The following FN1 variants were observed in gnomAD, a reference collection of about 807,000 sequenced individuals.
FN1 encodes the protein fibronectin.
In FN1, 106 loss-of-function variants were observed where a neutral mutation model predicts 297.3. That is an observed-to-expected ratio of 0.36 (90% confidence interval 0.30 to 0.42). The LOEUF is 0.42. FN1 is among the 10% of genes least tolerant of loss of function. The probability of loss-of-function intolerance (pLI) is 1.00; values close to 1 mark genes in which losing one functional copy is unlikely to be tolerated. For synonymous variants in FN1, 1,149 were observed against 1,152.6 expected (o/e 1.00, Z 0.06); for missense variants, 2,690 against 3,124.9 (o/e 0.86, Z 3.32).
At chr2:215,408,055 G>A in intron 17 of FN1, 53 bp downstream of exon 17, 1 of 1,400,806 alleles carries the variant, frequency 7.1e-7, no homozygotes, top group Non-Finnish European at 1.0e-6. Flanking sequence ...CGCCCTCCCT[G>A]CTGATGTCAT....
intron 1 of FN1, 108 bp from the exon 2 acceptor site, chr2:215,434,932 T>C: frequency 7.8e-7 from 1 of 1,279,990 alleles, no homozygotes; most frequent in Non-Finnish European, 1.1e-6. Flanking sequence ...CTTTTAACTT[T>C]GCTAAAAGTT....
At position 215,415,793 on chromosome 2, in the gene FN1, A is replaced by C. The variant is rs1437796; in HGVS notation, c.1820-835T>G. Among the ~76,000 whole-genome samples, 974 of 152,260 alleles carry C rather than the reference A, an allele frequency of 6.4e-3. 9 individuals are homozygous for C. Among genetic ancestry groups the C allele is most frequent in the African/African-American group, 0.022 (926 of 41,584 alleles). ...AAAGGAAAATAAGGGAAGTAGCATCAATTTCTAAGTAGTGTTAACTCCATT... is the reference window on the plus strand; with the variant it reads ...AAAGGAAAATAAGGGAAGTAGCATCCATTTCTAAGTAGTGTTAACTCCATT... On this transcript the variant is annotated intron_variant, in intron 12 of 45. Transcript: ENST00000354785.
At chr2:215,367,705 T>C in intron 42 of FN1, 158 bp downstream of exon 42, 1 of 758,908 alleles carries the variant, frequency 1.3e-6, no homozygotes, top group Non-Finnish European at 2.2e-6. Context: ...ATCATTTTTC[T>C]ATGATGCAAA....
In FN1 at chr2:215,397,762, T is replaced by C; in HGVS notation, c.3435A>G (p.Pro1145=). 2 of 1,613,850 alleles carry C rather than the reference T, an allele frequency of 1.2e-6. No homozygotes were observed. The highest frequency in any genetic ancestry group is 1.7e-6 in the Non-Finnish European group (2 of 1,179,704). Residue 1145 remains proline, a synonymous_variant, in exon 22 of 46, where the codon CCA becomes CCG. Coordinates refer to ENST00000354785, the MANE Select transcript of FN1 (RefSeq NM_212482.4). ...SGSIVVSGLT[P]GVEYVYTIQV... ...GGATGGTGTAGACGTATTCTACTCCTGGAGTCAAGCCGGACACAACGATGC... is the reference window on the plus strand; with the variant it reads ...GGATGGTGTAGACGTATTCTACTCCCGGAGTCAAGCCGGACACAACGATGC...
At chr2:215,424,393 T>C in intron 7 of FN1, 68 bp from the exon 8 acceptor site, 3 of 1,327,942 alleles carry the variant, frequency 2.3e-6, no homozygotes, top group East Asian at 4.6e-5. Context: ...GCTGCTTATT[T>C]ATGGCTTCAA....
chr2:215,427,967 G>A (rs1161523510), intron 6 of FN1, among the ~76,000 whole-genome samples: 1 of 151,734 alleles, frequency 6.6e-6, no homozygotes. Context: ...TCCCCCTAAG[G>A]TTTATTTGTA....
In FN1 at chr2:215,429,371, T is replaced by C. The variant is rs567825030; in HGVS notation, c.686-1033A>G. On this transcript the variant is annotated intron_variant, in intron 5 of 45. Transcript: ENST00000354785. The stretch of plus-strand genomic sequence containing the variant: ...TCTATGCGTGCATTTATCTGGTAAA[T>C]AGATTATTTAAATTATAATCCAAAT... 1.9e-4 allele frequency among the ~76,000 whole-genome samples: 29 copies of C among 152,324 alleles called. No individual in the cohort carries two copies. In the South Asian group the frequency reaches 3.7e-3, roughly 20 times the overall value.
At chr2:215,364,739 GC>G in intron 44 of FN1, 139 bp downstream of exon 44, 1 of 694,684 alleles carries the variant, frequency 1.4e-6, no homozygotes, top group Non-Finnish European at 2.6e-6. Flanking sequence ...CTCTATGTCA[GC>G]AGTTGTATGC....
chr2:215,383,584 T>G, intron 30 of FN1, 101 bp from the exon 31 acceptor site: 483 of 1,164,122 alleles, frequency 4.1e-4, no homozygotes, highest in Non-Finnish European at 5.3e-4. Flanking sequence ...GAATGATCGC[T>G]TACATGAGAA....
Position 215,410,107 on chromosome 2 carries a change from G to A in FN1, c.1949C>T (p.Ser650Phe). The A allele has an allele frequency of 6.2e-7, 1 of 1,601,500 alleles. No homozygotes were observed. Among genetic ancestry groups the A allele is most frequent in the Non-Finnish European group, 8.5e-7 (1 of 1,175,076 alleles). Reference sequence around the variant, plus strand: ...GGTAGCTTCCTTCCAACGGCCTACAGAATTTTTCTGAAAATTTAAATTAAC... The same window carrying A: ...GGTAGCTTCCTTCCAACGGCCTACAAAATTTTTCTGAAAATTTAAATTAAC... ...KYILRWRPKN[S>F]VGRWKEATIP... Residue 650 changes from serine to phenylalanine, a missense_variant, in exon 14 of 46, where the codon TCT becomes TTT. This residue lies in a region of FN1 where 876 missense variants were observed against 1,058.1 expected (regional missense o/e 0.83). Coordinates refer to ENST00000354785, the MANE Select transcript of FN1 (RefSeq NM_212482.4).
At chr2:215,388,744 T>C (rs2059345001) in intron 26 of FN1, among the ~76,000 whole-genome samples, 1 of 152,246 alleles carries the variant, frequency 6.6e-6, no homozygotes, top group Non-Finnish European at 1.5e-5. Context: ...ACTGCATATC[T>C]TTAAAGTGAT....
At chr2:215,365,413 G>T in intron 43 of FN1, 92 bp downstream of exon 43, 3 of 1,380,968 alleles carry the variant, frequency 2.2e-6, no homozygotes, top group Non-Finnish European at 2.1e-6. Flanking sequence ...GAGACCTAAA[G>T]TCTCCAATCA....
At chr2:215,361,679 A>C in intron 45 of FN1, 53 bp from the exon 46 acceptor site, 4 of 1,368,494 alleles carry the variant, frequency 2.9e-6, no homozygotes, top group Non-Finnish European at 4.2e-6. Flanking sequence ...TGTAAAGTGT[A>C]CAGAAAAAAA....
Position 215,381,033 on chromosome 2 carries a change from A to C in FN1, c.5212T>G (p.Ser1738Ala). The change falls in exon 33 of 46, where the codon TCC (serine) becomes GCC (alanine). Residue 1738 changes from serine (S) to alanine (A), a missense_variant. Around this residue, in one of 3 missense-constraint regions of FN1, gnomAD observed 1,743 missense variants for 1,945.2 expected, o/e 0.90. Transcript: ENST00000354785. ...GGGCTTTCCCAAGCAATTTTGATGG[A>C]ATCGACATCCACATCAGTGAATGCC... is the stretch of plus-strand genomic sequence containing the variant. ...GLAFTDVDVDSIKIAWESPQG... is the reference protein window; with the variant it reads ...GLAFTDVDVDAIKIAWESPQG... The C allele has an allele frequency of 1.2e-6, 2 of 1,614,226 alleles. No individual in the cohort carries two copies. Among genetic ancestry groups the C allele is most frequent in the Non-Finnish European group, 1.7e-6 (2 of 1,180,018 alleles).
chr2:215,388,703 C>CT (rs1403181874), intron 26 of FN1, among the ~76,000 whole-genome samples: 5 of 152,192 alleles, frequency 3.3e-5, no homozygotes, highest in Non-Finnish European at 1.5e-5. Context: ...TAGTTTGCTC[C>CT]TTTTAAAAGC....
At position 215,394,707 on chromosome 2, in the gene FN1, T is replaced by A. The variant is rs760596548; in HGVS notation, c.3617A>T (p.Tyr1206Phe). 1.9e-6 allele frequency: 3 copies of A among 1,613,488 alleles called. No homozygotes were observed. The South Asian group carries it at 3.3e-5, about 18-fold the overall frequency. The change falls in exon 24 of 46, where the codon TAT becomes TTT. Residue 1206 changes from tyrosine (Y) to phenylalanine (F), a missense_variant. Physicochemically the swap from Tyr to Phe is conservative, Grantham distance 22 (BLOSUM62 3). Coordinates refer to ENST00000354785, the MANE Select transcript of FN1 (RefSeq NM_212482.4). ...ERSTTPDITG[Y>F]RITTTPTNGQ... Reference sequence around the variant, plus strand: ...GTTTGTAGGGGTTGTGGTAATTCTATAACCAGTAATGTCTGGAGAAAAAAG... The same window carrying A: ...GTTTGTAGGGGTTGTGGTAATTCTAAAACCAGTAATGTCTGGAGAAAAAAG...
At chr2:215,424,987 A>T in intron 7 of FN1, 107 bp downstream of exon 7, 1 of 1,011,912 alleles carries the variant, frequency 9.9e-7, no homozygotes, top group East Asian at 2.4e-5. Context: ...GGGTGGTAAG[A>T]TTACAGGCTT....
In FN1 at chr2:215,431,979, A is replaced by G. The variant is rs1292035442; in HGVS notation, c.416-15T>C. 1.1e-5 allele frequency: 17 copies of G among 1,613,932 alleles called. No individual in the cohort carries two copies. The highest frequency in any genetic ancestry group is 1.4e-5 in the Non-Finnish European group (16 of 1,179,980). ...ATGGCAGCGGTCTGTTGAAGATACA[A>G]CGAAAATGTTAGGAGAGGGCAGAAC... On this transcript the variant is annotated splice_polypyrimidine_tract_variant and intron_variant, in intron 3 of 45. Coordinates refer to ENST00000354785, the MANE Select transcript of FN1 (RefSeq NM_212482.4).
Position 215,392,947 on chromosome 2 carries a change from T to G in FN1, c.4053A>C (p.Thr1351=). The change falls in exon 25 of 46, where the codon ACA becomes ACC. Residue 1351 remains threonine (T), a synonymous_variant. Transcript: ENST00000354785. ...LINGGESAPT[T]LTQQTAVPPP... is the part of the protein sequence containing the mutation. Reference sequence around the variant, plus strand: ...AAAATTCACCCGTTTGTTGTGTCAGTGTAGTAGGGGCACTCTCGCCGCCAT... The same window carrying G: ...AAAATTCACCCGTTTGTTGTGTCAGGGTAGTAGGGGCACTCTCGCCGCCAT... 1 of 1,612,696 alleles carries G rather than the reference T, an allele frequency of 6.2e-7. No homozygotes were observed. Among genetic ancestry groups the G allele is most frequent in the South Asian group, 1.1e-5 (1 of 91,004 alleles).
Sources: allele counts gnomAD v4.1 joint callset (sites outside exome capture counted in the v4.1 genomes callset), GRCh38; gene constraint gnomAD v4.1.1; regional missense constraint gnomAD v4.1.1; transcripts MANE v1.5; gene names NCBI Gene and HGNC (gene_info 2026-07-23, HGNC 2026-07-21).